Variants in UBR1 observed in about 807,000 individuals in gnomAD.
The protein encoded by UBR1 is ubiquitin protein ligase E3 component n-recognin 1, also known as E3 ubiquitin-protein ligase UBR1.
UBR1 carries 102 observed loss-of-function variants against 242.1 expected under a neutral mutation model. The observed-to-expected ratio is 0.42, with a 90% confidence interval of 0.36 to 0.50. UBR1 has a LOEUF of 0.50. UBR1 is among the 20% of genes least tolerant of loss of function. The pLI, the probability that UBR1 is intolerant of heterozygous loss-of-function variation, is 0.01. For synonymous variants in UBR1, 675 were observed against 684.8 expected (o/e 0.99, Z 0.22); for missense variants, 1,772 against 2,101.8 (o/e 0.84, Z 3.07).
In UBR1 at chr15:42,977,932, A is replaced by C. The variant is rs765236578; in HGVS notation, c.4166T>G (p.Ile1389Arg). ...VRLLSVVLPN[I>R]KSEDTPCLLS... ...AAGGCATGGTGTATCTTCTGATTTT[A>C]TGTTAGGAAGAACAACTAAAACAAA... The change falls in exon 38 of 47, where the codon ATA becomes AGA. Residue 1389 changes from isoleucine (I) to arginine (R), a missense_variant. Ile to Arg is a moderately conservative substitution (Grantham distance 97, BLOSUM62 -3). Coordinates refer to ENST00000290650, the MANE Select transcript of UBR1 (RefSeq NM_174916.3). 6.8e-6 allele frequency: 11 copies of C among 1,612,996 alleles called. No individual in the cohort carries two copies. In the South Asian group the frequency reaches 1.1e-4, roughly 16 times the overall value.
At chr15:43,085,159 T>C (rs749435182) in intron 2 of UBR1, among the ~76,000 whole-genome samples, 1 of 152,258 alleles carries the variant, frequency 6.6e-6, no homozygotes, top group African/African-American at 2.4e-5. Context: ...TTTGGGATTG[T>C]AGGTTTGGCA....
At chr15:43,038,121 A>G in intron 16 of UBR1, 50 bp downstream of exon 16, 1 of 1,590,512 alleles carries the variant, frequency 6.3e-7, no homozygotes, top group Non-Finnish European at 8.6e-7. Context: ...CAACCAAGAG[A>G]TATTCAGAAA....
chr15:43,077,152 G>A (rs2033915595), intron 3 of UBR1, among the ~76,000 whole-genome samples: 2 of 143,960 alleles, frequency 1.4e-5, no homozygotes, highest in Admixed American at 1.4e-4. Context: ...TGGGAGGTGT[G>A]CCCAGCGGCT....
chr15:42,994,381 C>CAAA (rs72106180), intron 33 of UBR1, among the ~76,000 whole-genome samples: 5 of 91,906 alleles, frequency 5.4e-5, no homozygotes, highest in South Asian at 3.9e-4. Flanking sequence ...GACGCTGTCT[C>CAAA]AAAAAAAAAA....
intron 3 of UBR1, among the ~76,000 whole-genome samples, chr15:43,077,835 A>AC (rs1173654010): frequency 1.3e-5 from 2 of 152,142 alleles, no homozygotes; most frequent in African/African-American, 4.8e-5. Context: ...AAAATATACT[A>AC]CCTCAGGTAG....
At chr15:43,068,175 T>C (rs1258410835) in intron 5 of UBR1, 139 bp from the exon 6 acceptor site, 5 of 387,844 alleles carry the variant, frequency 1.3e-5, no homozygotes, top group Middle Eastern at 8.3e-4. Context: ...AAAAGTAATA[T>C]AGAATTTGAT....
chr15:43,032,520 T>C (rs763135734), intron 20 of UBR1, 48 bp downstream of exon 20: 6 of 1,334,216 alleles, frequency 4.5e-6, no homozygotes, highest in South Asian at 2.4e-5. Context: ...ATGGTCTCTC[T>C]AAAAAGTAAC....
At chr15:42,950,516 T>C in intron 45 of UBR1, 153 bp from the exon 46 acceptor site, 1 of 670,762 alleles carries the variant, frequency 1.5e-6, no homozygotes, top group East Asian at 2.7e-5. Flanking sequence ...TAAATTATGT[T>C]TTGTCTAAAT....
chr15:42,967,152 G>A (rs1233195664), intron 40 of UBR1, among the ~76,000 whole-genome samples: 2 of 151,076 alleles, frequency 1.3e-5, no homozygotes, highest in South Asian at 2.1e-4. Context: ...TCCTGACCTC[G>A]GGTGATCCGC....
At chr15:43,071,607 G>A (rs1470017419) in intron 4 of UBR1, among the ~76,000 whole-genome samples, 1 of 152,066 alleles carries the variant, frequency 6.6e-6, no homozygotes, top group Non-Finnish European at 1.5e-5. Flanking sequence ...CGGTTAAGAT[G>A]ATAAATTAAT....
chr15:42,957,863 T>A (rs754655683), intron 44 of UBR1, 150 bp downstream of exon 44: 7 of 696,570 alleles, frequency 1.0e-5, no homozygotes, highest in Non-Finnish European at 1.7e-5. Context: ...CAAGATCCTG[T>A]CTAAAAAACA....
intron 39 of UBR1, among the ~76,000 whole-genome samples, chr15:42,973,981 C>A (rs967868029): frequency 6.6e-6 from 1 of 151,298 alleles, no homozygotes; most frequent in African/African-American, 2.4e-5. Flanking sequence ...CTCCACCTCC[C>A]GGGTTCACGC....
At chr15:43,101,968 C>CAAAAAA (rs55875692) in intron 1 of UBR1, among the ~76,000 whole-genome samples, 5 of 59,630 alleles carry the variant, frequency 8.4e-5, no homozygotes, top group Non-Finnish European at 1.4e-4. Context: ...CCTTGGCTCA[C>CAAAAAA]AAAAAAAAAA....
At chr15:43,030,806 T>C (rs1418129685) in intron 20 of UBR1, among the ~76,000 whole-genome samples, 2 of 152,238 alleles carry the variant, frequency 1.3e-5, no homozygotes, top group African/African-American at 4.8e-5. Flanking sequence ...TCCTATGATA[T>C]CTATAAGAGG....
At chr15:42,955,479 A>G (rs2031903193) in intron 44 of UBR1, among the ~76,000 whole-genome samples, 1 of 152,164 alleles carries the variant, frequency 6.6e-6, no homozygotes. Flanking sequence ...AAATCAATAA[A>G]GTCTTGAATA....
At chr15:42,980,896 C>T (rs1476116715) in intron 37 of UBR1, among the ~76,000 whole-genome samples, 1 of 152,180 alleles carries the variant, frequency 6.6e-6, no homozygotes, top group South Asian at 2.1e-4. Context: ...GCCATTACAC[C>T]CGGCCTGTCC....
chr15:43,001,826 A>G (rs894416273), intron 32 of UBR1, among the ~76,000 whole-genome samples: 7 of 152,340 alleles, frequency 4.6e-5, no homozygotes, highest in South Asian at 2.1e-4. Flanking sequence ...ACATTTGTCC[A>G]TATCTCTAGA....
At chr15:43,001,352 T>C (rs2032722057) in intron 32 of UBR1, among the ~76,000 whole-genome samples, 1 of 152,174 alleles carries the variant, frequency 6.6e-6, no homozygotes, top group Non-Finnish European at 1.5e-5. Context: ...TTTCATTATG[T>C]TGGCCAGGCT....
chr15:43,031,628 C>T lies in UBR1; in HGVS notation c.2254+940G>A, dbSNP rs2033258143. Among the ~76,000 whole-genome samples the T allele has an allele frequency of 2.0e-5, 3 of 152,148 alleles. No homozygotes were observed. In the South Asian group the frequency reaches 6.2e-4, roughly 31 times the overall value. ...ATAAGTAAAAATGAATCCATGTTTACAGACTTAGGTAACAGCTAGAATCCC... is the reference window on the plus strand; with the variant it reads ...ATAAGTAAAAATGAATCCATGTTTATAGACTTAGGTAACAGCTAGAATCCC... On this transcript the variant is annotated intron_variant, in intron 20 of 46. Transcript: ENST00000290650.
Sources: allele counts gnomAD v4.1 joint callset (sites outside exome capture counted in the v4.1 genomes callset), GRCh38; gene constraint gnomAD v4.1.1; transcripts MANE v1.5; gene names NCBI Gene and HGNC (gene_info 2026-07-23, HGNC 2026-07-21).